Variants in SERPINB7 observed in about 807,000 individuals in gnomAD.
The protein encoded by SERPINB7 is serpin B7.
Under a neutral mutation model 37.4 loss-of-function variants are expected in SERPINB7, and 31 were observed. The ratio of observed to expected loss-of-function variants is 0.83; its 90% CI spans 0.62 to 1.12. The LOEUF (loss-of-function observed/expected upper bound fraction) is 1.12. SERPINB7 is among the 50% of genes most tolerant of loss of function. SERPINB7 has a pLI of 0.00. For missense variants in SERPINB7, 521 were observed against 455.3 expected (o/e 1.14, Z -1.31); for synonymous variants, 163 against 166.1 (o/e 0.98, Z 0.14).
At chr18:63,785,050 A>G (rs559367855) in intron 2 of SERPINB7, among the ~76,000 whole-genome samples, 6 of 150,548 alleles carry the variant, frequency 4.0e-5, no homozygotes, top group Admixed American at 2.6e-4. Context: ...AATTACTCTC[A>G]TGTGTGACTT....
Position 63,793,067 on chromosome 18 carries a change from T to A in SERPINB7, c.220-94T>A, listed in dbSNP as rs540355649. 140 of 561,494 alleles carry A rather than the reference T, an allele frequency of 2.5e-4. No individual in the cohort carries two copies. The African/African-American group carries it at 2.6e-3, about 11-fold the overall frequency. 34.8% of individuals were successfully genotyped at this position (561,494 alleles called of 1,614,324 possible). Reference sequence around the variant, plus strand: ...TATAGTATTTAAAAAAATTCTTTTATGGTATAATTTGCATGTTTTGTTTTA... The same window carrying A: ...TATAGTATTTAAAAAAATTCTTTTAAGGTATAATTTGCATGTTTTGTTTTA... On this transcript the variant is annotated intron_variant, in intron 3 of 7. Coordinates refer to ENST00000398019, the MANE Select transcript of SERPINB7 (RefSeq NM_003784.4).
At chr18:63,764,473 C>T (rs962758034) in intron 1 of SERPINB7, among the ~76,000 whole-genome samples, 7 of 152,128 alleles carry the variant, frequency 4.6e-5, no homozygotes, top group African/African-American at 1.4e-4. Context: ...CAAGAGGAAA[C>T]TTCTCACTCA....
At chr18:63,774,599 C>T (rs1044929966), upstream of SERPINB7, among the ~76,000 whole-genome samples, 8 of 152,062 alleles carry the variant, frequency 5.3e-5, no homozygotes, top group African/African-American at 1.9e-4. Context: ...CACCTGGTCA[C>T]TTTTCAAAGT....
At chr18:63,793,323 C>A in intron 4 of SERPINB7, 46 bp downstream of exon 4, 1 of 990,136 alleles carries the variant, frequency 1.0e-6, no homozygotes, top group Non-Finnish European at 1.6e-6. Context: ...CTTGTTAAAT[C>A]CATTATCTGA....
At chr18:63,758,041 C>A (rs943913176) in intron 1 of SERPINB7, among the ~76,000 whole-genome samples, 1 of 152,116 alleles carries the variant, frequency 6.6e-6, no homozygotes, top group African/African-American at 2.4e-5. Flanking sequence ...TCTCATGGTG[C>A]GTAGCTTCTC....
At chr18:63,771,176 C>T (rs931371544), upstream of SERPINB7, among the ~76,000 whole-genome samples, 4 of 151,850 alleles carry the variant, frequency 2.6e-5, no homozygotes, top group Non-Finnish European at 5.9e-5. Context: ...TGAAGAGAGA[C>T]GAAAGGTATT....
intron 1 of SERPINB7, among the ~76,000 whole-genome samples, chr18:63,781,774 C>A (rs1476272060): frequency 6.6e-6 from 1 of 151,648 alleles, no homozygotes; most frequent in Non-Finnish European, 1.5e-5. Context: ...CTTTGCATTC[C>A]AAAAAAATCA....
rs531193008 is a variant in SERPINB7, at chr18:63,760,968, C to T, written c.-19+7848C>T. On this transcript the variant is annotated intron_variant, in intron 1 of 7. Transcript: ENST00000336429. ...GGGTTGAAGCCCCCACATAGAGTCC[C>T]TACTGGGCTACTGCCTAGTGGGGCT... is the stretch of plus-strand genomic sequence containing the variant. 1.3e-3 allele frequency among the ~76,000 whole-genome samples: 197 copies of T among 152,332 alleles called. 2 individuals are homozygous for T. Among genetic ancestry groups the T allele is most frequent in the Middle Eastern group, 3.4e-3 (1 of 294 alleles).
rs2049446131 is a variant in SERPINB7, at chr18:63,793,086, T to C, written c.220-75T>C. The C allele has an allele frequency of 5.5e-6, 4 of 727,892 alleles. No individual in the cohort carries two copies. In the South Asian group the frequency reaches 7.5e-5, roughly 14 times the overall value. The allele number at this position is 727,892 out of a possible 1,614,324, so 45.1% of individuals were successfully genotyped here. ...CTTTTATGGTATAATTTGCATGTTTTGTTTTATGTGTAAGTGAGATTATGC... is the reference window on the plus strand; with the variant it reads ...CTTTTATGGTATAATTTGCATGTTTCGTTTTATGTGTAAGTGAGATTATGC... On this transcript the variant is annotated intron_variant, in intron 3 of 7. Transcript: ENST00000398019.
intron 2 of SERPINB7, among the ~76,000 whole-genome samples, chr18:63,792,108 T>C (rs1349044987): frequency 6.6e-6 from 1 of 152,238 alleles, no homozygotes; most frequent in African/African-American, 2.4e-5. Flanking sequence ...GGAAGCGATA[T>C]CACCATAGCA....
At chr18:63,773,413 T>C (rs1356603609), upstream of SERPINB7, among the ~76,000 whole-genome samples, 2 of 152,078 alleles carry the variant, frequency 1.3e-5, no homozygotes, top group Non-Finnish European at 2.9e-5. Context: ...GTCATTTCCA[T>C]TTTCTGGGCA....
chr18:63,765,150 C>T (rs1010433737), intron 1 of SERPINB7, among the ~76,000 whole-genome samples: 12 of 152,210 alleles, frequency 7.9e-5, no homozygotes, highest in Admixed American at 5.2e-4. Context: ...GCCATAAGCA[C>T]CTCAAACTTA....
intron 3 of SERPINB7, 117 bp from the exon 4 acceptor site, chr18:63,793,044 T>C (rs2049445541): frequency 6.2e-6 from 3 of 485,272 alleles, no homozygotes; most frequent in African/African-American, 2.0e-5. Context: ...GCCATTTTTA[T>C]AGTATTTAAA....
chr18:63,792,168 A>C (rs1431509577), intron 2 of SERPINB7, among the ~76,000 whole-genome samples: 2 of 152,192 alleles, frequency 1.3e-5, no homozygotes, highest in Non-Finnish European at 2.9e-5. Flanking sequence ...CTAAGAGAAA[A>C]TCAAGTTGTG....
intron 5 of SERPINB7, 127 bp from the exon 6 acceptor site, chr18:63,798,477 T>G (rs911710567): frequency 1.5e-6 from 1 of 686,016 alleles, no homozygotes; most frequent in Non-Finnish European, 2.4e-6. Context: ...TCATAGGTTA[T>G]TCTTAATATT....
chr18:63,755,555 A>C (rs2049117158), intron 1 of SERPINB7, among the ~76,000 whole-genome samples: 2 of 152,134 alleles, frequency 1.3e-5, no homozygotes, highest in Admixed American at 1.3e-4. Context: ...TGAATTAGTG[A>C]GGCAAGCTAT....
At chr18:63,801,884 G>A (rs2049553502) in intron 7 of SERPINB7, among the ~76,000 whole-genome samples, 1 of 152,174 alleles carries the variant, frequency 6.6e-6, no homozygotes, top group African/African-American at 2.4e-5. Context: ...CCATAACAAT[G>A]ATTGGTTAAT....
intron 1 of SERPINB7, among the ~76,000 whole-genome samples, chr18:63,755,792 G>A (rs7243211): frequency 0.92 from 140,532 of 152,018 alleles, 65,526 homozygotes; most frequent in East Asian, 0.99. Context: ...TGCTTGGAAG[G>A]CTGAGGTGTG....
chr18:63,774,735 A>T (rs1439943944), upstream of SERPINB7, among the ~76,000 whole-genome samples: 1 of 152,128 alleles, frequency 6.6e-6, no homozygotes, highest in Non-Finnish European at 1.5e-5. Flanking sequence ...AGAATGAATG[A>T]ACACACCAAG....
Sources: gnomAD v4.1 joint callset for allele counts (sites outside exome capture counted in the v4.1 genomes callset) on GRCh38, gnomAD v4.1.1 for gene constraint, MANE v1.5 for transcripts, NCBI Gene and HGNC (gene_info 2026-07-23, HGNC 2026-07-21) for gene names.